MEF2C: variants seen among roughly 807,000 people sequenced by gnomAD.
MEF2C encodes myocyte enhancer factor 2C.
In MEF2C, 6 loss-of-function variants were observed where a neutral mutation model predicts 50.5. The ratio of observed to expected loss-of-function variants is 0.12; its 90% CI spans 0.07 to 0.23. The LOEUF (loss-of-function observed/expected upper bound fraction) is 0.23. MEF2C is among the 10% of genes least tolerant of loss of function. MEF2C has a pLI of 1.00. For missense variants in MEF2C, 276 were observed against 605.0 expected (o/e 0.46, Z 5.70); for synonymous variants, 183 against 228.0 (o/e 0.80, Z 1.78).
intron 1 of MEF2C, among the ~76,000 whole-genome samples, chr5:88,878,534 G>A (rs1050946322): frequency 6.6e-6 from 1 of 152,000 alleles, no homozygotes; most frequent in African/African-American, 2.4e-5. Flanking sequence ...AAGGCAAGCT[G>A]CTGGTCATTG....
At chr5:88,735,231 T>C (rs1028246985) in intron 6 of MEF2C, 2 of 985,302 alleles carry the variant, frequency 2.0e-6, no homozygotes, top group African/African-American at 1.7e-5. Flanking sequence ...GTGTTGAGCC[T>C]GTTGTCCCAC....
intron 6 of MEF2C, chr5:88,737,393 A>G: frequency 1.0e-6 from 1 of 985,414 alleles, no homozygotes; most frequent in African/African-American, 1.7e-5. Flanking sequence ...TAATCATTTC[A>G]CAGCACATTA....
At chr5:88,788,471 A>C (rs971063610) in intron 3 of MEF2C, among the ~76,000 whole-genome samples, 1 of 151,936 alleles carries the variant, frequency 6.6e-6, no homozygotes, top group African/African-American at 2.4e-5. Context: ...CGGCCTCCCA[A>C]AGTGCTGGGA....
chr5:88,746,632 T>C, intron 6 of MEF2C: 5 of 985,466 alleles, frequency 5.1e-6, no homozygotes, highest in Non-Finnish European at 3.6e-6. Context: ...TTTTCTTCTC[T>C]GAAAATGTAG....
intron 1 of MEF2C, among the ~76,000 whole-genome samples, chr5:88,847,907 G>A (rs528400372): frequency 6.6e-5 from 10 of 152,042 alleles, no homozygotes; most frequent in Non-Finnish European, 1.2e-4. Flanking sequence ...TGCATTCAAA[G>A]TTCCTCACAT....
At chr5:88,879,710 A>T (rs936412904) in intron 1 of MEF2C, among the ~76,000 whole-genome samples, 1 of 152,140 alleles carries the variant, frequency 6.6e-6, no homozygotes, top group African/African-American at 2.4e-5. Flanking sequence ...CACAATGAAG[A>T]CATACATAAA....
chr5:88,752,861 T>C, intron 4 of MEF2C: 1 of 646,140 alleles, frequency 1.5e-6, no homozygotes, highest in South Asian at 6.9e-5. Flanking sequence ...TAGATGAACA[T>C]AGGAACATAA....
intron 1 of MEF2C, among the ~76,000 whole-genome samples, chr5:88,903,278 TGTAAA>T (rs1399105497): frequency 2.0e-5 from 3 of 151,992 alleles, no homozygotes; most frequent in Non-Finnish European, 4.4e-5. Flanking sequence ...AGACGCTCTT[TGTAAA>T]GTAATGAGAA....
intron 1 of MEF2C, among the ~76,000 whole-genome samples, chr5:88,869,252 CATATATATATATAT>C (rs369495366): frequency 1.1e-5 from 1 of 89,980 alleles, no homozygotes; most frequent in Non-Finnish European, 2.2e-5. Context: ...AACTAGTTTT[CATATATATATATAT>C]ATATATATAT....
In MEF2C at chr5:88,738,240, C is replaced by T. The variant is rs546866848; in HGVS notation, c.638-6339G>A. 14 of 985,146 alleles carry T rather than the reference C, an allele frequency of 1.4e-5. No homozygotes were observed. In the East Asian group the frequency reaches 3.4e-4, roughly 24 times the overall value. 61.0% of individuals were successfully genotyped at this position (985,146 alleles called of 1,614,324 possible). A position where few individuals can be genotyped will look rare whatever the true frequency, so the allele number is the denominator to read the frequency against. On this transcript the variant is annotated intron_variant, in intron 6 of 10. Coordinates refer to ENST00000504921, the MANE Select transcript of MEF2C (RefSeq NM_002397.5). ...TCTGAATGAGAGGCTCTCAGGTACT[C>T]ATCTGAGGCAGTCATTGACAATCTT... is the stretch of plus-strand genomic sequence containing the variant.
In MEF2C at chr5:88,718,831, A is replaced by G. The variant is rs1383077202; in HGVS notation, c.*3773T>C. The G allele has an allele frequency of 1.3e-5, 2 of 152,252 alleles. No individual in the cohort carries two copies. Among genetic ancestry groups the G allele is most frequent in the African/African-American group, 4.8e-5 (2 of 41,470 alleles). The allele number at this position is 152,252 out of a possible 1,614,324, so 9.4% of individuals were successfully genotyped here. Reference sequence around the variant, plus strand: ...ACATCTTTGGTTAAAACATATTAAGAAAAGCCTTTAATTACATCTGTAGTC... The same window carrying G: ...ACATCTTTGGTTAAAACATATTAAGGAAAGCCTTTAATTACATCTGTAGTC... On this transcript the variant is annotated 3_prime_UTR_variant, in exon 11 of 11. Transcript: ENST00000504921.
intron 3 of MEF2C, among the ~76,000 whole-genome samples, chr5:88,799,909 C>T (rs970477459): frequency 1.0e-4 from 13 of 126,438 alleles, no homozygotes; most frequent in African/African-American, 3.3e-4. Context: ...CACACACACA[C>T]ACACAGAGAG....
At chr5:88,725,634 T>A (rs1758354558) in intron 10 of MEF2C, among the ~76,000 whole-genome samples, 1 of 152,076 alleles carries the variant, frequency 6.6e-6, no homozygotes, top group Non-Finnish European at 1.5e-5. Flanking sequence ...CTATGCAAAT[T>A]TTCATCTATT....
At chr5:88,805,823 C>CTTTTTT (rs869224140) in intron 2 of MEF2C, among the ~76,000 whole-genome samples, 8 of 61,590 alleles carry the variant, frequency 1.3e-4, no homozygotes, top group East Asian at 5.9e-4. Context: ...CGTGAACATT[C>CTTTTTT]TTTTTTTTTT....
chr5:88,896,489 G>C (rs1835130198), intron 1 of MEF2C, among the ~76,000 whole-genome samples: 1 of 152,180 alleles, frequency 6.6e-6, no homozygotes, highest in Admixed American at 6.5e-5. Flanking sequence ...GAGAGGTTTA[G>C]GGACAGAGGG....
At chr5:88,780,978 G>C (rs774986222) in intron 3 of MEF2C, 144 of 980,916 alleles carry the variant, frequency 1.5e-4, no homozygotes, top group Non-Finnish European at 1.7e-4. Context: ...AGTTCACTAA[G>C]AGAACTTGGG....
chr5:88,815,654 A>G (rs2153169377), intron 2 of MEF2C, among the ~76,000 whole-genome samples: 1 of 152,230 alleles, frequency 6.6e-6, no homozygotes, highest in Middle Eastern at 3.4e-3. Context: ...CAGAAAAAAT[A>G]AGTTTCCAAA....
intron 6 of MEF2C, chr5:88,734,978 T>G (rs1305623706): frequency 1.0e-6 from 1 of 985,412 alleles, no homozygotes; most frequent in East Asian, 1.1e-4. Context: ...TTTTAGCATA[T>G]TGTGCCAGCT....
chr5:88,733,985 A>G (rs1483792714), intron 6 of MEF2C: 1 of 985,198 alleles, frequency 1.0e-6, no homozygotes, highest in Non-Finnish European at 1.2e-6. Flanking sequence ...TTCCATGGCA[A>G]AAGCTGTTAC....
Sources: allele counts gnomAD v4.1 joint callset (sites outside exome capture counted in the v4.1 genomes callset), GRCh38; gene constraint gnomAD v4.1.1; transcripts MANE v1.5; gene names NCBI Gene and HGNC (gene_info 2026-07-23, HGNC 2026-07-21).